Variants in CCNB1IP1 observed in about 807,000 individuals in gnomAD.
The protein encoded by CCNB1IP1 is cyclin B1 interacting protein 1, also known as E3 ubiquitin-protein ligase CCNB1IP1.
A neutral mutation model predicts 25.6 loss-of-function variants in CCNB1IP1; 14 were observed. The ratio of observed to expected loss-of-function variants is 0.55; its 90% CI spans 0.36 to 0.85. CCNB1IP1 has a LOEUF of 0.85. Among genes scored for constraint, CCNB1IP1 ranks in the 40% least tolerant of loss-of-function variants. CCNB1IP1 has a pLI of 0.01. For synonymous variants in CCNB1IP1, 119 were observed against 116.1 expected, an observed-to-expected ratio of 1.02 and a Z score of -0.16; for missense variants, 278 against 342.4, an observed-to-expected ratio of 0.81 and a Z score of 1.48.
At chr14:20,322,257 T>C (rs914740766) in intron 4 of CCNB1IP1, among the ~76,000 whole-genome samples, 1 of 152,190 alleles carries the variant, frequency 6.6e-6, no homozygotes, top group Non-Finnish European at 1.5e-5. Context: ...AGAATTCCTT[T>C]TGGAAACCGC....
chr14:20,312,507 CTTT>C (rs1417630802), intron 6 of CCNB1IP1, among the ~76,000 whole-genome samples: 7 of 151,814 alleles, frequency 4.6e-5, no homozygotes, highest in Non-Finnish European at 1.0e-4. Context: ...CCACCTCATA[CTTT>C]TTATAAGACA....
intron 1 of CCNB1IP1, among the ~76,000 whole-genome samples, chr14:20,332,239 G>A (rs1594286964): frequency 2.0e-5 from 3 of 151,316 alleles, no homozygotes; most frequent in African/African-American, 7.3e-5. Flanking sequence ...TAAAAATTAT[G>A]GGAGGCCTAC....
At chr14:20,318,559 T>C (rs1406523567) in intron 4 of CCNB1IP1, 3 of 152,184 alleles carry the variant, frequency 2.0e-5, no homozygotes, top group African/African-American at 7.2e-5. Context: ...CTCCTGGAAC[T>C]GCTAGCAGTG....
At chr14:20,329,567 ATTTGC>A (rs1189135046) in intron 1 of CCNB1IP1, among the ~76,000 whole-genome samples, 194 bp from the exon 2 acceptor site, 1 of 152,092 alleles carries the variant, frequency 6.6e-6, no homozygotes, top group Admixed American at 6.5e-5. Context: ...TATGTATAAT[ATTTGC>A]TTTATCCATT....
At chr14:20,316,197 T>G (rs1295607881) in intron 5 of CCNB1IP1, 30 bp downstream of exon 5, 1 of 1,574,514 alleles carries the variant, frequency 6.4e-7, no homozygotes, top group African/African-American at 1.4e-5. Flanking sequence ...ATAAATCACA[T>G]GCTCAAGAGA....
intron 1 of CCNB1IP1, among the ~76,000 whole-genome samples, chr14:20,329,860 G>A (rs1344462167): frequency 6.6e-6 from 1 of 152,066 alleles, no homozygotes; most frequent in Non-Finnish European, 1.5e-5. Context: ...TCATGTATTT[G>A]CTGTGCCCAT....
chr14:20,331,911 T>G (rs563963380), intron 1 of CCNB1IP1, among the ~76,000 whole-genome samples: 16 of 141,002 alleles, frequency 1.1e-4, no homozygotes, highest in African/African-American at 4.0e-4. Flanking sequence ...TTGGATGGCT[T>G]AGGGAAGGGG....
chr14:20,316,131 T>C (rs371913149), intron 5 of CCNB1IP1, 96 bp downstream of exon 5: 7 of 1,102,814 alleles, frequency 6.3e-6, no homozygotes, highest in Non-Finnish European at 8.9e-6. Flanking sequence ...CATATACTCA[T>C]AAAAAATTAA....
At chr14:20,325,098 C>T (rs1883027239) in intron 4 of CCNB1IP1, among the ~76,000 whole-genome samples, 1 of 151,054 alleles carries the variant, frequency 6.6e-6, no homozygotes, top group South Asian at 2.2e-4. Flanking sequence ...CAGGTGTGAG[C>T]CACCACGCCT....
chr14:20,326,716 C>T lies in CCNB1IP1; in HGVS notation c.-153G>A. On this transcript the variant is annotated splice_region_variant and 5_prime_UTR_variant, in exon 3 of 7. Transcript: ENST00000358932. ...ACGAAGATTTTGCTCTTACTCTTAC[C>T]TCTGGCATCACATGAATCCAGCTTC... 3 of 306,226 alleles carry T rather than the reference C, an allele frequency of 9.8e-6. No homozygotes were observed. Among genetic ancestry groups the T allele is most frequent in the Non-Finnish European group, 2.0e-5 (3 of 152,270 alleles). The allele number at this position is 306,226 out of a possible 1,614,324, so 19.0% of individuals were successfully genotyped here. A position where few individuals can be genotyped will look rare whatever the true frequency, so the allele number is the denominator to read the frequency against.
At chr14:20,320,315 G>A in intron 4 of CCNB1IP1, 1 of 455,982 alleles carries the variant, frequency 2.2e-6, no homozygotes, top group Non-Finnish European at 4.4e-6. Context: ...CCAGGCCAGA[G>A]TGACCACGAC....
chr14:20,332,089 C>A (rs1175103421), intron 1 of CCNB1IP1, among the ~76,000 whole-genome samples: 9 of 110,694 alleles, frequency 8.1e-5, no homozygotes, highest in Non-Finnish European at 1.6e-4. Flanking sequence ...GGCTGGAGTG[C>A]AATGGCGCGA....
chr14:20,316,126 A>T (rs758165067), intron 5 of CCNB1IP1, 101 bp downstream of exon 5: 6 of 1,007,038 alleles, frequency 6.0e-6, no homozygotes, highest in Non-Finnish European at 8.5e-6. Flanking sequence ...TTTCTCATAT[A>T]CTCATAAAAA....
At chr14:20,315,545 G>T in intron 5 of CCNB1IP1, 1 of 1,246,480 alleles carries the variant, frequency 8.0e-7, no homozygotes, top group Non-Finnish European at 1.0e-6. Context: ...AAGTATAAGT[G>T]TATATGTAAG....
Position 20,313,480 on chromosome 14 carries a change from C to A in CCNB1IP1, c.619G>T (p.Gly207Cys). 6.3e-7 allele frequency: 1 copy of A among 1,578,204 alleles called. No homozygotes were observed. The highest frequency in any genetic ancestry group is 2.3e-5 in the East Asian group (1 of 44,394). Residue 207 changes from glycine (G) to cysteine (C), a missense_variant, in exon 6 of 7, where the codon GGC (glycine) becomes TGC (cysteine). By Grantham distance (159) the Gly-to-Cys change is radical. Coordinates refer to ENST00000358932, the MANE Select transcript of CCNB1IP1 (RefSeq NM_021178.5). ...TGTCCTTTCTTACCTAATGGGAAGC[C>A]AAGAACACCAGACTGTGCAATCATG... ...PSMIAQSGVL[G>C]FPLGNNSKFP... is the part of the protein sequence containing the mutation.
rs779733059 is a variant in CCNB1IP1, at chr14:20,313,092, ATACT to A, written c.631+372_631+375del. Reference sequence around the variant, plus strand: ...TCATCTGTATAAAAGAAGGATAATAATACTTACTTCATAAGGTTTTGTAAATTAT... The same window carrying A: ...TCATCTGTATAAAAGAAGGATAATAATACTTCATAAGGTTTTGTAAATTAT... On this transcript the variant is annotated intron_variant, in intron 6 of 6. Transcript: ENST00000358932. Among the ~76,000 whole-genome samples, 12 of 152,326 alleles carry A rather than the reference ATACT, an allele frequency of 7.9e-5. No homozygotes were observed. The East Asian group carries it at 1.7e-3, about 22-fold the overall frequency.
At chr14:20,324,935 G>T (rs980245766) in intron 4 of CCNB1IP1, among the ~76,000 whole-genome samples, 4 of 151,986 alleles carry the variant, frequency 2.6e-5, no homozygotes, top group African/African-American at 9.7e-5. Flanking sequence ...TCAGCCTCCT[G>T]AGTAGCTGGG....
intron 3 of CCNB1IP1, among the ~76,000 whole-genome samples, chr14:20,325,994 C>T (rs551426839): frequency 8.1e-4 from 123 of 152,192 alleles, no homozygotes; most frequent in African/African-American, 2.8e-3. Context: ...ACATATTGCT[C>T]TATATAATCT....
intron 4 of CCNB1IP1, among the ~76,000 whole-genome samples, chr14:20,320,549 AT>A (rs1167904765): frequency 1.3e-5 from 2 of 152,240 alleles, no homozygotes; most frequent in African/African-American, 4.8e-5. Flanking sequence ...ACAAAATTAT[AT>A]TCCAGCTCTT....
Sources: gnomAD v4.1 joint callset for allele counts (sites outside exome capture counted in the v4.1 genomes callset) on GRCh38, gnomAD v4.1.1 for gene constraint, MANE v1.5 for transcripts, NCBI Gene and HGNC (gene_info 2026-07-23, HGNC 2026-07-21) for gene names.